KIF7: variants seen among roughly 807,000 people sequenced by gnomAD.
KIF7 encodes kinesin-like protein KIF7.
A neutral mutation model predicts 135.7 loss-of-function variants in KIF7; 104 were observed. That is an observed-to-expected ratio of 0.77 (90% CI 0.65 to 0.90). KIF7 has a LOEUF of 0.90. Among genes scored for constraint, KIF7 ranks in the 40% least tolerant of loss-of-function variants. The pLI is 0.00. For missense variants in KIF7, 2,005 were observed against 1,839.1 expected, an observed-to-expected ratio of 1.09 and a Z score of -1.65; for synonymous variants, 883 against 809.4, an observed-to-expected ratio of 1.09 and a Z score of -1.54.
downstream of KIF7, chr15:89,623,595 G>A (rs8029606): frequency 2.2e-4 from 349 of 1,573,452 alleles, 4 homozygotes; most frequent in African/African-American, 4.5e-3. Context: ...TAATATTCAA[G>A]GACTGAAATA....
At chr15:89,633,405 C>A in intron 12 of KIF7, 139 bp from the exon 13 acceptor site, 2 of 1,184,670 alleles carry the variant, frequency 1.7e-6, no homozygotes, top group African/African-American at 1.5e-5. Flanking sequence ...CCATCCCACA[C>A]AAATCTCCCT....
At chr15:89,619,051 A>G (rs1963380703) in intron 1 of KIF7, among the ~76,000 whole-genome samples, 2 of 152,212 alleles carry the variant, frequency 1.3e-5, no homozygotes, top group African/African-American at 4.8e-5. Context: ...TATTGTGGAA[A>G]AAACAGGAAA....
upstream of KIF7, among the ~76,000 whole-genome samples, chr15:89,659,136 A>G (rs1359120986): frequency 6.6e-6 from 1 of 152,190 alleles, no homozygotes; most frequent in African/African-American, 2.4e-5. Flanking sequence ...GAAACCAGAA[A>G]GAGAATGAAA....
Position 89,642,379 on chromosome 15 carries a change from G to T in KIF7, c.2218C>A (p.Gln740Lys). 6.2e-7 allele frequency: 1 copy of T among 1,605,590 alleles called. No individual in the cohort carries two copies. ...AGCTCCCGGATACGCTGGCTGTGCT[G>T]GCGGTTCAGGGCCTGAGCTGCCTTT... is the stretch of plus-strand genomic sequence containing the variant. ...TGKAAQALNRQHSQRIRELEQ... is the reference protein window; with the variant it reads ...TGKAAQALNRKHSQRIRELEQ... The change falls in exon 11 of 19, where the codon CAG becomes AAG. Residue 740 changes from glutamine to lysine, a missense_variant. Gln to Lys is a moderately conservative substitution (Grantham distance 53, BLOSUM62 1). Coordinates refer to ENST00000394412, the MANE Select transcript of KIF7 (RefSeq NM_198525.3).
At chr15:89,629,312 G>A in intron 17 of KIF7, 63 bp downstream of exon 17, 1 of 1,199,620 alleles carries the variant, frequency 8.3e-7, no homozygotes, top group Non-Finnish European at 1.1e-6. Flanking sequence ...TGCAGGGCGG[G>A]GAAGATGGGG....
intron 1 of KIF7, 71 bp from the exon 2 acceptor site, chr15:89,653,025 C>G: frequency 8.1e-7 from 1 of 1,230,676 alleles, no homozygotes; most frequent in South Asian, 1.6e-5. Flanking sequence ...CTGCAGGGGA[C>G]TCGAGCCAGA....
At chr15:89,621,754 G>A (rs924932268) in intron 1 of KIF7, among the ~76,000 whole-genome samples, 1 of 152,094 alleles carries the variant, frequency 6.6e-6, no homozygotes, top group Admixed American at 6.5e-5. Context: ...CCACGGTGGG[G>A]GCGGTGGAGG....
chr15:89,619,819 A>G, intron 1 of KIF7: 1 of 1,612,466 alleles, frequency 6.2e-7, no homozygotes, highest in Non-Finnish European at 8.5e-7. Context: ...CAAAGAGTCC[A>G]CTCTTTCCAG....
rs1471053128 is a variant in KIF7, at chr15:89,633,378, C to G, written c.2593-112G>C. 8.7e-6 allele frequency: 12 copies of G among 1,384,276 alleles called. No individual in the cohort carries two copies. In the Admixed American group the frequency reaches 2.0e-4, roughly 23 times the overall value. The allele number at this position is 1,384,276 out of a possible 1,614,324, so 85.7% of individuals were successfully genotyped here. On this transcript the variant is annotated intron_variant, in intron 12 of 18. Coordinates refer to ENST00000394412, the MANE Select transcript of KIF7 (RefSeq NM_198525.3). ...CCTGCCCACTCCCAAGAGGGCCCTG[C>G]GAAGTGTCCCCCAGACCCATCCCAC...
chr15:89,641,957 C>T (rs1202438443), intron 11 of KIF7, among the ~76,000 whole-genome samples: 3 of 152,080 alleles, frequency 2.0e-5, no homozygotes, highest in Non-Finnish European at 2.9e-5. Flanking sequence ...TCTTTAGACG[C>T]CCACCCTTCA....
At chr15:89,656,546 T>C (rs1252483332), upstream of KIF7, among the ~76,000 whole-genome samples, 3 of 152,108 alleles carry the variant, frequency 2.0e-5, no homozygotes, top group Non-Finnish European at 4.4e-5. Flanking sequence ...ACTACCATGA[T>C]TGGCTTGCAA....
downstream of KIF7, chr15:89,627,384 C>G: frequency 2.8e-6 from 1 of 360,058 alleles, no homozygotes; most frequent in Non-Finnish European, 5.0e-6. Context: ...CCAACCATGA[C>G]CTTGGCAAGT....
chr15:89,649,385 C>T lies in KIF7; in HGVS notation c.530-18G>A, dbSNP rs775287284. ...GCACAGCACTGCGGGCACAGAAGGC[C>T]GTGAGCCCCAGGGCAGGGGCCGCCA... On this transcript the variant is annotated intron_variant, in intron 3 of 18. Coordinates refer to ENST00000394412, the MANE Select transcript of KIF7 (RefSeq NM_198525.3). The T allele has an allele frequency of 2.1e-6, 3 of 1,447,662 alleles. No homozygotes were observed. The highest frequency in any genetic ancestry group is 1.5e-5 in the South Asian group (1 of 67,560). 89.7% of individuals were successfully genotyped at this position (1,447,662 alleles called of 1,614,324 possible).
Position 89,633,857 on chromosome 15 carries a change from C to T in KIF7, c.2421G>A (p.Thr807=), listed in dbSNP as rs141497185. ...VQVLKEKKQA[T]ERLVSLSAQS... ...GGGCCGACAGTGACACCAGCCGCTC[C>T]GTAGCCTGCTTCTTCTCCTTCAGCA... is the stretch of plus-strand genomic sequence containing the variant. The change falls in exon 12 of 19, where the codon ACG becomes ACA. Residue 807 remains threonine, a synonymous_variant. Coordinates refer to ENST00000394412, the MANE Select transcript of KIF7 (RefSeq NM_198525.3). 49 of 1,613,678 alleles carry T rather than the reference C, an allele frequency of 3.0e-5. No individual in the cohort carries two copies. The highest frequency in any genetic ancestry group is 1.6e-4 in the Middle Eastern group (1 of 6,084).
At chr15:89,634,744 T>C (rs1303539366) in intron 11 of KIF7, among the ~76,000 whole-genome samples, 4 of 152,166 alleles carry the variant, frequency 2.6e-5, no homozygotes, top group African/African-American at 9.7e-5. Context: ...GCAGCGAGGC[T>C]GGGGGAGGGG....
chr15:89,624,380 T>C (rs200468614), downstream of KIF7: 72 of 1,614,070 alleles, frequency 4.5e-5, no homozygotes, highest in East Asian at 5.6e-4. Context: ...TCCTGCCCTG[T>C]TCCCTCAACT....
chr15:89,653,560 C>T (rs1017302596), intron 1 of KIF7, among the ~76,000 whole-genome samples: 32 of 152,254 alleles, frequency 2.1e-4, no homozygotes, highest in African/African-American at 7.0e-4. Flanking sequence ...TGTCCCCTCC[C>T]GCAGGGCAAC....
In KIF7 at chr15:89,646,527, A is replaced by C. The variant is rs6496588; in HGVS notation, c.1788+303T>G. Among the ~76,000 whole-genome samples the C allele has an allele frequency of 0.87, 131,952 of 152,144 alleles. 57,694 individuals carry two copies. The highest frequency in any genetic ancestry group is 0.94 in the Non-Finnish European group (63,843 of 68,002). ...GTCTGAAAGGTGATGAGCTCTCCGT[A>C]TGCAGAAGTGTGCAAGGTTTCCACC... On this transcript the variant is annotated intron_variant, in intron 7 of 18. Transcript: ENST00000394412.
chr15:89,631,453 T>A, intron 15 of KIF7, 42 bp downstream of exon 15: 1 of 1,503,022 alleles, frequency 6.7e-7, no homozygotes, highest in Non-Finnish European at 9.0e-7. Flanking sequence ...CAGACAGGCA[T>A]ACAATGGCAC....
Sources: allele counts gnomAD v4.1 joint callset (sites outside exome capture counted in the v4.1 genomes callset), GRCh38; gene constraint gnomAD v4.1.1; transcripts MANE v1.5; gene names NCBI Gene and HGNC (gene_info 2026-07-23, HGNC 2026-07-21).